SPATA7: variants seen among roughly 807,000 people sequenced by gnomAD.
SPATA7 encodes the protein spermatogenesis-associated protein 7.
In SPATA7, 43 loss-of-function variants were observed where a neutral mutation model predicts 51.8. The observed-to-expected ratio is 0.83, with a 90% CI of 0.65 to 1.07. The LOEUF is 1.07. Among genes scored for constraint, SPATA7 ranks in the 50% least tolerant of loss-of-function variants. The pLI is 0.00. For synonymous variants in SPATA7, 230 were observed against 252.8 expected, an observed-to-expected ratio of 0.91 and a Z score of 0.86; for missense variants, 683 against 701.3, an observed-to-expected ratio of 0.97 and a Z score of 0.30.
At chr14:88,404,349 A>C (rs925988431) in intron 4 of SPATA7, among the ~76,000 whole-genome samples, 1 of 152,202 alleles carries the variant, frequency 6.6e-6, no homozygotes, top group Admixed American at 6.5e-5. Context: ...TAACCTACAT[A>C]TATATGAGAA....
intron 4 of SPATA7, among the ~76,000 whole-genome samples, chr14:88,462,290 G>A (rs1298286517): frequency 3.3e-5 from 5 of 152,140 alleles, no homozygotes; most frequent in Non-Finnish European, 7.4e-5. Flanking sequence ...CATTTGTTCA[G>A]TTTTTCTCAG....
At position 88,417,817 on chromosome 14, in the gene SPATA7, G is replaced by C. The variant is rs187764228; in HGVS notation, c.372+973G>C. On this transcript the variant is annotated intron_variant, in intron 5 of 11. Transcript: ENST00000393545. ...TCTTTTTTTGTACTCCTTGTGTCTG[G>C]TTATGCTATCCTCATAAAATAAACT... Among the ~76,000 whole-genome samples the C allele has an allele frequency of 9.2e-5, 14 of 152,112 alleles. No individual in the cohort carries two copies. The East Asian group carries it at 2.7e-3, about 29-fold the overall frequency.
intron 4 of SPATA7, among the ~76,000 whole-genome samples, chr14:88,407,023 G>C (rs946424084): frequency 6.6e-6 from 1 of 152,018 alleles, no homozygotes; most frequent in Middle Eastern, 3.2e-3. Flanking sequence ...CCATTGATGG[G>C]CATTTGTGTT....
intron 3 of SPATA7, among the ~76,000 whole-genome samples, chr14:88,443,936 A>G (rs1412417129): frequency 3.9e-5 from 6 of 152,200 alleles, no homozygotes; most frequent in Middle Eastern, 6.8e-3. Flanking sequence ...TAATGCCGCA[A>G]TAAACATACG....
intron 4 of SPATA7, among the ~76,000 whole-genome samples, chr14:88,465,386 G>A (rs990705508): frequency 2.0e-5 from 3 of 152,166 alleles, no homozygotes; most frequent in African/African-American, 7.2e-5. Flanking sequence ...AGAATCACTC[G>A]AACCCAGGAG....
intron 4 of SPATA7, chr14:88,466,242 T>C (rs2140069188): frequency 6.6e-6 from 1 of 152,292 alleles, no homozygotes; most frequent in East Asian, 1.9e-4. Context: ...TACATTTTGT[T>C]CCTACAAAAT....
intron 4 of SPATA7, among the ~76,000 whole-genome samples, chr14:88,396,735 A>C (rs1207293218): frequency 1.3e-5 from 2 of 152,214 alleles, no homozygotes; most frequent in Non-Finnish European, 2.9e-5. Flanking sequence ...ACTGCTATGG[A>C]CATGAGTATA....
In SPATA7 at chr14:88,469,671, G is replaced by A; in HGVS notation, c.255-176G>A. The A allele has an allele frequency of 1.2e-6, 2 of 1,614,172 alleles. No individual in the cohort carries two copies. Among genetic ancestry groups the A allele is most frequent in the Non-Finnish European group, 1.7e-6 (2 of 1,180,044 alleles). ...TCGTGATCTTAAACCTTCCATAGGT[G>A]ACAGTGTTGTGCCTGGAACCAAGTC... is the stretch of plus-strand genomic sequence containing the variant. On this transcript the variant is annotated intron_variant, in intron 4 of 4. Coordinates refer to the SPATA7 transcript ENST00000556406. The surrounding 1 kb of genome is among the most constrained non-coding windows in gnomAD (Gnocchi z 4.3).
chr14:88,447,637 C>T (rs1370788789), intron 3 of SPATA7, among the ~76,000 whole-genome samples: 1 of 151,600 alleles, frequency 6.6e-6, no homozygotes. Flanking sequence ...TGTTCCTTTC[C>T]ATGTTTAGCG....
At position 88,448,728 on chromosome 14, in the gene SPATA7, G is replaced by A. The variant is rs551682527; in HGVS notation, c.178-6332G>A. On this transcript the variant is annotated intron_variant, in intron 3 of 3. Transcript: ENST00000554802. ...AGTCAGGACCCTCAGCTGCAGGTCTGTTGGAGTACCCAGCCGTGTGAGGTG... is the reference window on the plus strand; with the variant it reads ...AGTCAGGACCCTCAGCTGCAGGTCTATTGGAGTACCCAGCCGTGTGAGGTG... Among the ~76,000 whole-genome samples, 4 of 152,246 alleles carry A rather than the reference G, an allele frequency of 2.6e-5. No homozygotes were observed. The South Asian group carries it at 8.3e-4, about 32-fold the overall frequency.
downstream of SPATA7, among the ~76,000 whole-genome samples, chr14:88,441,009 C>T (rs2077174811): frequency 6.6e-6 from 1 of 152,110 alleles, no homozygotes; most frequent in South Asian, 2.1e-4. Flanking sequence ...CCCCAAAGTC[C>T]ATTGTATTAT....
At chr14:88,455,159 A>C in exon 4 of SPATA7, 1 of 450,890 alleles carries the variant, frequency 2.2e-6, no homozygotes. Flanking sequence ...AGGTGGCCAC[A>C]TGAAGAGCTC....
At chr14:88,462,596 CCAGTT>C (rs1158925277) in intron 4 of SPATA7, among the ~76,000 whole-genome samples, 1 of 152,204 alleles carries the variant, frequency 6.6e-6, no homozygotes, top group African/African-American at 2.4e-5. Flanking sequence ...AAACCACCTA[CCAGTT>C]CAGTTAAAAT....
In SPATA7 at chr14:88,416,409, CTTT is replaced by C. The variant is rs536916579; in HGVS notation, c.239-283_239-281del. On this transcript the variant is annotated intron_variant, in intron 4 of 11. Coordinates refer to ENST00000393545, the MANE Select transcript of SPATA7 (RefSeq NM_018418.5). ...CAGTTTGTCATATCTTGTTGGCATT[CTTT>C]TTTTTTTTTTTTTTTTTTGGTAACT... is the stretch of plus-strand genomic sequence containing the variant. 7.2e-3 allele frequency: 867 copies of C among 120,946 alleles called. 3 individuals carry two copies. Among genetic ancestry groups the C allele is most frequent in the African/African-American group, 0.028 (718 of 25,624 alleles). The allele number at this position is 120,946 out of a possible 1,614,324, so 7.5% of individuals were successfully genotyped here.
intron 3 of SPATA7, among the ~76,000 whole-genome samples, chr14:88,395,443 A>G (rs2075855166): frequency 6.6e-6 from 1 of 152,070 alleles, no homozygotes. Context: ...TATAAACTAA[A>G]CAGGTTATTT....
chr14:88,393,326 G>T, intron 2 of SPATA7, 67 bp from the exon 3 acceptor site: 1 of 1,050,038 alleles, frequency 9.5e-7, no homozygotes. Context: ...TAAATAATCA[G>T]TGCCTTGTTT....
In SPATA7 at chr14:88,437,902, C is replaced by T. The variant is rs143653250; in HGVS notation, c.1280C>T (p.Ser427Leu). The change falls in exon 12 of 12, where the codon TCG becomes TTG. Residue 427 changes from serine (S) to leucine (L), a missense_variant. Physicochemically the swap from Ser to Leu is moderately radical, Grantham distance 145. Coordinates refer to ENST00000393545, the MANE Select transcript of SPATA7 (RefSeq NM_018418.5). The stretch of plus-strand genomic sequence containing the variant: ...TTAGGCTGCACATCGGAGGAAAACT[C>T]GGTAAAGCAAAATGATGTTGATATG... ...VDLGCTSEEN[S>L]VKQNDVDMLN... 48 of 1,610,902 alleles carry T rather than the reference C, an allele frequency of 3.0e-5. No homozygotes were observed. The highest frequency in any genetic ancestry group is 3.8e-5 in the Non-Finnish European group (45 of 1,178,462).
intron 5 of SPATA7, among the ~76,000 whole-genome samples, chr14:88,425,101 C>T (rs1320824667): frequency 6.6e-6 from 1 of 152,084 alleles, no homozygotes; most frequent in Non-Finnish European, 1.5e-5. Flanking sequence ...GACACTGCAC[C>T]TCAGAGCAGT....
chr14:88,452,739 C>G (rs748400809), intron 3 of SPATA7, among the ~76,000 whole-genome samples: 12 of 152,176 alleles, frequency 7.9e-5, no homozygotes, highest in Non-Finnish European at 1.8e-4. Context: ...TATTTTTAAA[C>G]AAACCATGCC....
Sources: allele counts gnomAD v4.1 joint callset (sites outside exome capture counted in the v4.1 genomes callset), GRCh38; gene constraint gnomAD v4.1.1; non-coding constraint Gnocchi (gnomAD v3.1); transcripts MANE v1.5; gene names NCBI Gene and HGNC (gene_info 2026-07-23, HGNC 2026-07-21).